PKD1L1: variants seen among roughly 807,000 people sequenced by gnomAD.
The protein encoded by PKD1L1 is polycystin-1-like protein 1.
In PKD1L1, 236 loss-of-function variants were observed where a neutral mutation model predicts 323.4. The ratio of observed to expected loss-of-function variants is 0.73; its 90% CI spans 0.66 to 0.81. The LOEUF (loss-of-function observed/expected upper bound fraction) is 0.81. Ranked by LOEUF, PKD1L1 falls within the 40% of genes least tolerant of loss-of-function variation. The pLI, the probability that PKD1L1 is intolerant of heterozygous loss-of-function variation, is 0.00. For synonymous variants in PKD1L1, 1,344 were observed against 1,335.0 expected, an observed-to-expected ratio of 1.01 and a Z score of -0.15; for missense variants, 3,320 against 3,508.0, an observed-to-expected ratio of 0.95 and a Z score of 1.35.
At chr7:47,776,291 G>A (rs1786567193) in intron 56 of PKD1L1, among the ~76,000 whole-genome samples, 1 of 152,192 alleles carries the variant, frequency 6.6e-6, no homozygotes, top group Non-Finnish European at 1.5e-5. Context: ...GAAAACTGAA[G>A]CAGAGAGAAT....
chr7:47,855,593 G>GAAGAATAGCTATTCTATA (rs1554403099), intron 28 of PKD1L1, among the ~76,000 whole-genome samples: 5 of 144,632 alleles, frequency 3.5e-5, no homozygotes, highest in South Asian at 2.1e-4. Flanking sequence ...ATGCAAGAGT[G>GAAGAATAGCTATTCTATA]GGGCCGGGCG....
intron 20 of PKD1L1, among the ~76,000 whole-genome samples, chr7:47,881,536 T>C (rs1364086422): frequency 1.3e-5 from 2 of 152,166 alleles, no homozygotes; most frequent in Non-Finnish European, 2.9e-5. Context: ...GAAATTCCAT[T>C]AGAAATTCAA....
chr7:47,813,525 C>G (rs550211061), intron 48 of PKD1L1: 3 of 695,824 alleles, frequency 4.3e-6, no homozygotes, highest in East Asian at 2.8e-5. Context: ...GTGTATGGTT[C>G]TAAGGCTTAG....
At position 47,831,496 on chromosome 7, in the gene PKD1L1, G is replaced by A. The variant is rs973413259; in HGVS notation, c.6338-144C>T. ...TTGGTTAAATGTGATTTTTGAGTGT[G>A]TTCGGGGTTGGGGGTGTTTCCAGGT... is the stretch of plus-strand genomic sequence containing the variant. On this transcript the variant is annotated intron_variant, in intron 41 of 56. Transcript: ENST00000289672. 39 of 1,136,930 alleles carry A rather than the reference G, an allele frequency of 3.4e-5. No individual in the cohort carries two copies. In the South Asian group the frequency reaches 4.8e-4, roughly 14 times the overall value. 70.4% of individuals were successfully genotyped at this position (1,136,930 alleles called of 1,614,324 possible).
intron 27 of PKD1L1, 79 bp from the exon 28 acceptor site, chr7:47,857,911 G>T (rs1027843579): frequency 2.9e-6 from 4 of 1,371,792 alleles, no homozygotes; most frequent in Non-Finnish European, 4.0e-6. Flanking sequence ...AGGAGAGAGG[G>T]GAAAAGTAGT....
In PKD1L1 at chr7:47,840,607, AC is replaced by A; in HGVS notation, c.5446-41del. 6.8e-7 allele frequency: 1 copy of A among 1,460,484 alleles called. No individual in the cohort carries two copies. Among genetic ancestry groups the A allele is most frequent in the Non-Finnish European group, 9.6e-7 (1 of 1,042,538 alleles). The allele number at this position is 1,460,484 out of a possible 1,614,324, so 90.5% of individuals were successfully genotyped here. On this transcript the variant is annotated intron_variant, in intron 34 of 56. Transcript: ENST00000289672. The surrounding 1 kb of genome is among the most constrained non-coding windows in gnomAD (Gnocchi z 4.1). The stretch of plus-strand genomic sequence containing the variant: ...CAGGGGTGGGAACTCAGGCTATTTC[AC>A]AGCAGACACCATGCAATGCTGGGCA...
rs1786879663 is a variant in PKD1L1, at chr7:47,893,933, T to C, written c.2398A>G (p.Ile800Val). ...LFFSRTTSSP[I>V]VLRGTQSFDP... Reference sequence around the variant, plus strand: ...AAGGACTGGGTCCCTCTGAGGACAATGGGGGATGAGGTGGTCCTGGAGAAG... The same window carrying C: ...AAGGACTGGGTCCCTCTGAGGACAACGGGGGATGAGGTGGTCCTGGAGAAG... Residue 800 changes from isoleucine (I) to valine (V), a missense_variant, in exon 15 of 57, where the codon ATT becomes GTT. Physicochemically the swap from Ile to Val is conservative, Grantham distance 29 (BLOSUM62 3). Coordinates refer to ENST00000289672, the MANE Select transcript of PKD1L1 (RefSeq NM_138295.5). 6 of 1,613,734 alleles carry C rather than the reference T, an allele frequency of 3.7e-6. No individual in the cohort carries two copies. Among genetic ancestry groups the C allele is most frequent in the Non-Finnish European group, 5.1e-6 (6 of 1,179,952 alleles).
chr7:47,859,626 C>T (rs566587986), intron 26 of PKD1L1, among the ~76,000 whole-genome samples: 2 of 101,116 alleles, frequency 2.0e-5, no homozygotes, highest in African/African-American at 3.4e-5. Flanking sequence ...TAAAGACATA[C>T]ATTTTTTTTT....
intron 14 of PKD1L1, among the ~76,000 whole-genome samples, chr7:47,895,383 T>C (rs1221240775): frequency 6.6e-6 from 1 of 152,220 alleles, no homozygotes; most frequent in Non-Finnish European, 1.5e-5. Flanking sequence ...CTGGGTTTAA[T>C]TTAAAAATTA....
chr7:47,952,420 G>A (rs1025946808), upstream of PKD1L1, among the ~76,000 whole-genome samples: 5 of 152,154 alleles, frequency 3.3e-5, no homozygotes, highest in Admixed American at 6.5e-5. Flanking sequence ...AATGGAACCC[G>A]AAGCAACAGG....
intron 46 of PKD1L1, chr7:47,819,795 C>T: frequency 1.2e-5 from 3 of 248,682 alleles, no homozygotes; most frequent in Non-Finnish European, 1.6e-5. Context: ...ATGAATAACC[C>T]TCTCTCACAA....
intron 44 of PKD1L1, among the ~76,000 whole-genome samples, chr7:47,828,732 G>C (rs954307008): frequency 6.6e-6 from 1 of 152,230 alleles, no homozygotes; most frequent in Non-Finnish European, 1.5e-5. Flanking sequence ...GCAGGGCTGA[G>C]AGGCCTCAGA....
At chr7:47,859,416 T>G (rs888082339) in intron 26 of PKD1L1, among the ~76,000 whole-genome samples, 1 of 152,198 alleles carries the variant, frequency 6.6e-6, no homozygotes, top group African/African-American at 2.4e-5. Context: ...TACCCTCATT[T>G]GGACTGGCAG....
chr7:47,890,833 C>T (rs1173189373), intron 15 of PKD1L1, 70 bp from the exon 16 acceptor site: 2 of 1,399,856 alleles, frequency 1.4e-6, no homozygotes, highest in Admixed American at 1.8e-5. Flanking sequence ...TGTGTCACTG[C>T]ACGGGTTTTC....
chr7:47,942,010 A>G (rs971660912), intron 2 of PKD1L1, among the ~76,000 whole-genome samples: 4 of 152,190 alleles, frequency 2.6e-5, no homozygotes, highest in Admixed American at 2.6e-4. Flanking sequence ...TCCTAGTCTT[A>G]AAACCTGAAA....
At position 47,943,430 on chromosome 7, in the gene PKD1L1, G is replaced by T. The variant is rs1177829083; in HGVS notation, c.126C>A (p.Cys42Ter). 1 of 1,613,386 alleles carries T rather than the reference G, an allele frequency of 6.2e-7. No homozygotes were observed. The highest frequency in any genetic ancestry group is 8.5e-7 in the Non-Finnish European group (1 of 1,179,642). The change falls in exon 2 of 57, where the codon TGC (cysteine) becomes TGA (stop). Residue 42 changes from cysteine to a stop codon, truncating the protein, a stop_gained. Coordinates refer to ENST00000289672, the MANE Select transcript of PKD1L1 (RefSeq NM_138295.5). LOFTEE classifies it high-confidence loss of function. The part of the protein sequence containing the change: ...STDKSWGLHL[C>*]SCSPPGGGLW... Reference sequence around the variant, plus strand: ...ATCCACCTCCAGGAGGGCTACAGCTGCACAGATGAAGACCCCAGCTCTTGT... The same window carrying T: ...ATCCACCTCCAGGAGGGCTACAGCTTCACAGATGAAGACCCCAGCTCTTGT...
Position 47,942,067 on chromosome 7 carries a change from G to A in PKD1L1, c.160+1329C>T, listed in dbSNP as rs573322414. 1.4e-4 allele frequency among the ~76,000 whole-genome samples: 21 copies of A among 152,250 alleles called. No individual in the cohort carries two copies. The South Asian group carries it at 2.7e-3, about 20-fold the overall frequency. On this transcript the variant is annotated intron_variant, in intron 2 of 56. Transcript: ENST00000289672. The stretch of plus-strand genomic sequence containing the variant: ...GTTCTTCCCTCAGGAAACCAACCCA[G>A]GAAAGGGACCCACCAGATCCCTGCA...
chr7:47,921,984 T>C (rs113348166), intron 7 of PKD1L1, among the ~76,000 whole-genome samples: 8,336 of 150,482 alleles, frequency 0.055, 782 homozygotes, highest in African/African-American at 0.19. Flanking sequence ...ACTGTACTGC[T>C]GCCATCTCCA....
At chr7:47,920,144 T>C (rs1312513332) in intron 7 of PKD1L1, among the ~76,000 whole-genome samples, 1 of 151,928 alleles carries the variant, frequency 6.6e-6, no homozygotes, top group African/African-American at 2.4e-5. Flanking sequence ...CTCCTAGAAT[T>C]GATAAAAGAA....
Sources: allele counts gnomAD v4.1 joint callset (sites outside exome capture counted in the v4.1 genomes callset), GRCh38; gene constraint gnomAD v4.1.1; non-coding constraint Gnocchi (gnomAD v3.1); transcripts MANE v1.5; gene names NCBI Gene and HGNC (gene_info 2026-07-23, HGNC 2026-07-21).